Variants in HERC2 observed in about 807,000 individuals in gnomAD.
The protein encoded by HERC2 is E3 ubiquitin-protein ligase HERC2.
A neutral mutation model predicts 537.7 loss-of-function variants in HERC2; 102 were observed. The observed-to-expected ratio is 0.19, with a 90% CI of 0.16 to 0.22. The LOEUF (loss-of-function observed/expected upper bound fraction) is 0.22, where lower values mean the gene tolerates loss of function less well. HERC2 is among the 10% of genes least tolerant of loss of function. The probability of loss-of-function intolerance (pLI) is 1.00; values close to 1 mark genes in which losing one functional copy is unlikely to be tolerated. For missense variants in HERC2, 4,236 were observed against 6,198.2 expected (o/e 0.68, Z 10.63); for synonymous variants, 2,224 against 2,466.2 (o/e 0.90, Z 2.91).
At chr15:28,261,050 G>A (rs980417640) in intron 15 of HERC2, 80 bp from the exon 16 acceptor site, 2 of 1,023,856 alleles carry the variant, frequency 2.0e-6, no homozygotes, top group Admixed American at 2.5e-5. Flanking sequence ...GGCCATTCAG[G>A]TCAGACAGCT....
chr15:28,272,222 T>C lies in HERC2; in HGVS notation c.1076A>G (p.Asp359Gly), dbSNP rs1009544420. 1.3e-6 allele frequency: 2 copies of C among 1,596,660 alleles called. No individual in the cohort carries two copies. The highest frequency in any genetic ancestry group is 2.7e-5 in the African/African-American group (2 of 74,336). The change falls in exon 9 of 93, where the codon GAC becomes GGC. Residue 359 changes from aspartate to glycine, a missense_variant. Physicochemically the swap from Asp to Gly is moderately conservative, Grantham distance 94 (BLOSUM62 -1). This residue lies in a region of HERC2 where 491 missense variants were observed against 559.3 expected (regional missense o/e 0.88). Transcript: ENST00000261609. ...CRKDAPHSEG[D>G]MHLLSGPLSP... ...TTCCATCATGACACTCACGTGCATGTCGCCCTCGGAGTGGGGTGCATCCTT... is the reference window on the plus strand; with the variant it reads ...TTCCATCATGACACTCACGTGCATGCCGCCCTCGGAGTGGGGTGCATCCTT...
At chr15:28,144,927 C>A (rs1428673478) in intron 71 of HERC2, 123 bp from the exon 72 acceptor site, 1 of 1,255,408 alleles carries the variant, frequency 8.0e-7, no homozygotes, top group Admixed American at 1.9e-5. Context: ...CCAATCCAAG[C>A]TCTCCCAAGC....
rs772832392 is a variant in HERC2, at chr15:28,176,665, C to G, written c.9514+22G>C. The G allele has an allele frequency of 2.2e-5, 35 of 1,614,042 alleles. 2 individuals carry two copies. The South Asian group carries it at 3.7e-4, about 17-fold the overall frequency. On this transcript the variant is annotated intron_variant, in intron 62 of 92. Coordinates refer to ENST00000261609, the MANE Select transcript of HERC2 (RefSeq NM_004667.6). The surrounding 1 kb of genome is among the most constrained non-coding windows in gnomAD (Gnocchi z 5.0). The stretch of plus-strand genomic sequence containing the variant: ...TATCATTCCTACCCACCCAGAAGCA[C>G]AGAATCCTGCCAGCCACTCACCTTC...
chr15:28,293,905 G>A (rs1021837077), intron 3 of HERC2, among the ~76,000 whole-genome samples: 40 of 152,338 alleles, frequency 2.6e-4, no homozygotes, highest in African/African-American at 9.4e-4. Flanking sequence ...CACAGTAAGC[G>A]AAGAGAAGAG....
At chr15:28,270,144 G>A (rs1196239773) in intron 10 of HERC2, among the ~76,000 whole-genome samples, 10 of 151,990 alleles carry the variant, frequency 6.6e-5, no homozygotes, top group Non-Finnish European at 1.2e-4. Flanking sequence ...GTATTTTTAA[G>A]TTGAGACAGG....
chr15:28,112,550 C>A (rs189177547), intron 92 of HERC2, among the ~76,000 whole-genome samples: 39 of 152,350 alleles, frequency 2.6e-4, no homozygotes, highest in African/African-American at 8.9e-4. Flanking sequence ...ATGCTGGGAA[C>A]AGTGGACCCC....
chr15:28,121,246 A>G (rs1229753407), intron 86 of HERC2, 100 bp downstream of exon 86: 6 of 1,029,390 alleles, frequency 5.8e-6, no homozygotes, highest in Non-Finnish European at 9.1e-6. Flanking sequence ...GTTGGGGTGC[A>G]CAGGATGGCA....
At chr15:28,296,359 A>C (rs1408788951) in intron 3 of HERC2, among the ~76,000 whole-genome samples, 2 of 152,102 alleles carry the variant, frequency 1.3e-5, no homozygotes, top group Non-Finnish European at 2.9e-5. Context: ...CTGTAATCCT[A>C]GCTACTCAGG....
chr15:28,137,531 T>G (rs534089933), intron 78 of HERC2, among the ~76,000 whole-genome samples: 1 of 152,242 alleles, frequency 6.6e-6, no homozygotes, highest in Admixed American at 6.5e-5. Context: ...TTATTTTATC[T>G]GTTATGATGA....
At chr15:28,129,117 T>C (rs1005671428) in intron 83 of HERC2, among the ~76,000 whole-genome samples, 5 of 152,320 alleles carry the variant, frequency 3.3e-5, no homozygotes, top group Admixed American at 3.3e-4. Flanking sequence ...GAAAAGTCCC[T>C]TTTGCCATTG....
In HERC2 at chr15:28,141,759, C is replaced by T; in HGVS notation, c.11788G>A (p.Asp3930Asn). 6.2e-7 allele frequency: 1 copy of T among 1,614,176 alleles called. No homozygotes were observed. Among genetic ancestry groups the T allele is most frequent in the South Asian group, 1.1e-5 (1 of 91,080 alleles). The change falls in exon 77 of 93, where the codon GAC (aspartate) becomes AAC (asparagine). Residue 3930 changes from aspartate (D) to asparagine (N), a missense_variant. This residue lies in a region of HERC2 where 156 missense variants were observed against 172.3 expected (regional missense o/e 0.91). Coordinates refer to ENST00000261609, the MANE Select transcript of HERC2 (RefSeq NM_004667.6). ...ESHDIFKREQ[D>N]EQLVQWMNRR... ...TTCATCCACTGCACAAGTTGTTCGT[C>T]TTGCTCTCTTTTAAAAATGTCATGG...
intron 2 of HERC2, among the ~76,000 whole-genome samples, chr15:28,304,702 A>ATTTTTTTTTT (rs780900477): frequency 1.0e-4 from 11 of 108,310 alleles, no homozygotes; most frequent in African/African-American, 3.4e-4. Flanking sequence ...AAGGGCTTCC[A>ATTTTTTTTTT]TTTTTTTTTT....
At chr15:28,230,071 T>C (rs1045427081) in intron 31 of HERC2, among the ~76,000 whole-genome samples, 5 of 152,224 alleles carry the variant, frequency 3.3e-5, no homozygotes, top group African/African-American at 1.2e-4. Context: ...AAAGCTAAGT[T>C]ATGGTTCATA....
At chr15:28,318,147 T>C (rs2141324990) in intron 2 of HERC2, among the ~76,000 whole-genome samples, 1 of 152,304 alleles carries the variant, frequency 6.6e-6, no homozygotes, top group East Asian at 1.9e-4. Context: ...TTGTTTTTTA[T>C]AGTTCCTTTG....
At chr15:28,169,123 C>T (rs1469612661) in intron 66 of HERC2, among the ~76,000 whole-genome samples, 1 of 152,254 alleles carries the variant, frequency 6.6e-6, no homozygotes, top group Non-Finnish European at 1.5e-5. Flanking sequence ...AAATGCCGCA[C>T]TGGCAAAACT....
At chr15:28,296,139 G>A (rs552646895) in intron 3 of HERC2, among the ~76,000 whole-genome samples, 1 of 152,190 alleles carries the variant, frequency 6.6e-6, no homozygotes, top group South Asian at 2.1e-4. Flanking sequence ...ATTATGCTCT[G>A]CTTTCCAATC....
rs752873433 is a variant in HERC2, at chr15:28,214,644, C to T, written c.6358+11G>A. On this transcript the variant is annotated intron_variant, in intron 40 of 92. Transcript: ENST00000261609. The stretch of plus-strand genomic sequence containing the variant: ...TTCACCAGGGCACAGGGAAGGTAGA[C>T]GGCCACCCACCTCTGAGTAATGGCA... 48 of 1,611,684 alleles carry T rather than the reference C, an allele frequency of 3.0e-5. No individual in the cohort carries two copies. The highest frequency in any genetic ancestry group is 3.7e-5 in the Non-Finnish European group (44 of 1,179,778).
chr15:28,191,921 G>T (rs377314955), intron 53 of HERC2, 40 bp downstream of exon 53: 4 of 1,560,584 alleles, frequency 2.6e-6, no homozygotes, highest in Non-Finnish European at 2.6e-6. Flanking sequence ...CAAAACCATC[G>T]GTGTGAAAGT....
intron 69 of HERC2, among the ~76,000 whole-genome samples, chr15:28,153,965 C>G (rs1425403953): frequency 6.6e-6 from 1 of 152,232 alleles, no homozygotes; most frequent in Non-Finnish European, 1.5e-5. Context: ...GACCCCAACA[C>G]AGCTGCCCCT....
Sources: allele counts gnomAD v4.1 joint callset (sites outside exome capture counted in the v4.1 genomes callset), GRCh38; gene constraint gnomAD v4.1.1; regional missense constraint gnomAD v4.1.1; non-coding constraint Gnocchi (gnomAD v3.1); transcripts MANE v1.5; gene names NCBI Gene and HGNC (gene_info 2026-07-23, HGNC 2026-07-21).